Variants in GPRIN3 observed in about 807,000 individuals in gnomAD.
The protein encoded by GPRIN3 is G protein-regulated inducer of neurite outgrowth 3.
In GPRIN3, 12 loss-of-function variants were observed where a neutral mutation model predicts 13.7. The observed-to-expected ratio is 0.87, with a 90% CI of 0.56 to 1.42. The LOEUF (loss-of-function observed/expected upper bound fraction) is 1.42, where lower values mean the gene tolerates loss of function less well. Among genes scored for constraint, GPRIN3 ranks in the 40% most tolerant of loss-of-function variants. The pLI is 0.00. For missense variants in GPRIN3, 1,009 were observed against 958.7 expected (o/e 1.05, Z -0.69); for synonymous variants, 377 against 372.7 (o/e 1.01, Z -0.13).
chr4:89,304,875 T>C (rs899042741), intron 1 of GPRIN3, among the ~76,000 whole-genome samples: 1 of 152,212 alleles, frequency 6.6e-6, no homozygotes, highest in African/African-American at 2.4e-5. Context: ...TTTTCTAATA[T>C]GCAAAGTAGG....
chr4:89,271,617 G>A (rs1041585329), intron 1 of GPRIN3, among the ~76,000 whole-genome samples: 3 of 151,858 alleles, frequency 2.0e-5, no homozygotes, highest in Non-Finnish European at 4.4e-5. Context: ...GTTTTCTTGA[G>A]GAATATTTTT....
intron 1 of GPRIN3, among the ~76,000 whole-genome samples, chr4:89,285,640 C>G (rs1006004243): frequency 6.6e-6 from 1 of 152,204 alleles, no homozygotes; most frequent in African/African-American, 2.4e-5. Context: ...ACTTCCTGTT[C>G]TGTCACCCAA....
chr4:89,279,040 C>A (rs1578100716), intron 1 of GPRIN3, among the ~76,000 whole-genome samples: 2 of 152,178 alleles, frequency 1.3e-5, no homozygotes, highest in Non-Finnish European at 2.9e-5. Context: ...GAGGAGAAGG[C>A]AGGGCAGCTT....
rs1308637478 is a variant in GPRIN3, at chr4:89,238,181, T to C, written c.*9599A>G. 6.6e-6 allele frequency: 1 copy of C among 152,052 alleles called. No homozygotes were observed. The highest frequency in any genetic ancestry group is 1.5e-5 in the Non-Finnish European group (1 of 68,042). The allele number at this position is 152,052 out of a possible 1,614,324, so 9.4% of individuals were successfully genotyped here. The stretch of plus-strand genomic sequence containing the variant: ...CTCTTGGAAATTTTGAAGCAATCAC[T>C]GTTTAAAGTTCATGGGAAATTCACT... On this transcript the variant is annotated 3_prime_UTR_variant, in exon 2 of 2. Coordinates refer to ENST00000609438, the MANE Select transcript of GPRIN3 (RefSeq NM_198281.3).
rs1461252867 is a variant in GPRIN3 at position 89,239,564 on chromosome 4, A to G, written c.*8216T>C. 6.6e-6 allele frequency: 1 copy of G among 152,230 alleles called. No homozygotes were observed. The highest frequency in any genetic ancestry group is 1.9e-4 in the East Asian group (1 of 5,196). 9.4% of individuals were successfully genotyped at this position (152,230 alleles called of 1,614,324 possible). ...CACATTCGTTCTCTAAAACATGAAT[A>G]TGTTTTTAAATGTTATTCTTAACTT... On this transcript the variant is annotated 3_prime_UTR_variant, in exon 2 of 2. Transcript: ENST00000609438.
intron 1 of GPRIN3, among the ~76,000 whole-genome samples, chr4:89,281,734 A>C (rs542138520): frequency 6.6e-6 from 1 of 152,196 alleles, no homozygotes; most frequent in African/African-American, 2.4e-5. Context: ...TGTTGTTTTA[A>C]GCCACCCAGT....
intron 1 of GPRIN3, among the ~76,000 whole-genome samples, chr4:89,260,498 C>A (rs767187145): frequency 6.6e-6 from 1 of 152,116 alleles, no homozygotes. Flanking sequence ...AGTTAGGCAT[C>A]GCGAGTACAT....
At chr4:89,260,612 G>A (rs1442282650) in intron 1 of GPRIN3, among the ~76,000 whole-genome samples, 1 of 152,172 alleles carries the variant, frequency 6.6e-6, no homozygotes, top group Non-Finnish European at 1.5e-5. Context: ...TAATTAAGTG[G>A]CTTAATGCAG....
chr4:89,268,583 G>C (rs1218874345), intron 1 of GPRIN3, among the ~76,000 whole-genome samples: 1 of 152,176 alleles, frequency 6.6e-6, no homozygotes, highest in Non-Finnish European at 1.5e-5. Flanking sequence ...TCCAATAAAA[G>C]CAGTGTACTT....
intron 1 of GPRIN3, among the ~76,000 whole-genome samples, chr4:89,269,054 T>C (rs1266408671): frequency 6.6e-6 from 1 of 152,186 alleles, no homozygotes; most frequent in African/African-American, 2.4e-5. Flanking sequence ...TGAAGGTTCA[T>C]GACAGGTGGG....
chr4:89,256,717 C>T (rs1723474738), intron 1 of GPRIN3, among the ~76,000 whole-genome samples: 1 of 152,190 alleles, frequency 6.6e-6, no homozygotes, highest in South Asian at 2.1e-4. Context: ...TTACAGGGAC[C>T]TCAGTGAGCA....
At chr4:89,262,475 C>T (rs1030984409) in intron 1 of GPRIN3, among the ~76,000 whole-genome samples, 18 of 152,084 alleles carry the variant, frequency 1.2e-4, no homozygotes, top group Non-Finnish European at 1.5e-5. Flanking sequence ...AAATGTAAGG[C>T]CTGGTGCTCC....
intron 1 of GPRIN3, among the ~76,000 whole-genome samples, chr4:89,273,725 A>G (rs1486244346): frequency 6.6e-6 from 1 of 152,188 alleles, no homozygotes; most frequent in East Asian, 1.9e-4. Context: ...ATGCCTCATG[A>G]TTACAGAAAC....
chr4:89,291,138 T>G (rs1031740582), intron 1 of GPRIN3, among the ~76,000 whole-genome samples: 1 of 152,222 alleles, frequency 6.6e-6, no homozygotes, highest in African/African-American at 2.4e-5. Flanking sequence ...ACCTCAGAAC[T>G]AGGAGGACGC....
chr4:89,255,203 T>C (rs114200100), intron 1 of GPRIN3, among the ~76,000 whole-genome samples: 2,294 of 152,296 alleles, frequency 0.015, 59 homozygotes, highest in African/African-American at 0.052. Flanking sequence ...TTCCACCACC[T>C]AGCTTTAGCT....
rs539689810 is a variant in GPRIN3, at chr4:89,263,067, C to T, written c.-123-12834G>A. Among the ~76,000 whole-genome samples, 14 of 152,302 alleles carry T rather than the reference C, an allele frequency of 9.2e-5. No homozygotes were observed. In the East Asian group the frequency reaches 1.7e-3, roughly 19 times the overall value. ...TTTTAATTGCCAGTTATCAAATCCA[C>T]GTCTTCTGTCAGTACTGGGCTTAAC... On this transcript the variant is annotated intron_variant, in intron 1 of 1. Transcript: ENST00000609438.
rs886607652 is a variant in GPRIN3, at chr4:89,248,915, G to A, written c.1196C>T (p.Ala399Val). Reference sequence around the variant, plus strand: ...TTCCCGTTGGAAAGCTGTAGACTCAGCTGCAGCTGCCTGAATGTGCACCTG... The same window carrying A: ...TTCCCGTTGGAAAGCTGTAGACTCAACTGCAGCTGCCTGAATGTGCACCTG... ...MPQVHIQAAAAESTAFQRENK... is the reference protein window; with the variant it reads ...MPQVHIQAAAVESTAFQRENK... The change falls in exon 2 of 2, where the codon GCT becomes GTT. Residue 399 changes from alanine (A) to valine (V), a missense_variant. Physicochemically the swap from Ala to Val is moderately conservative, Grantham distance 64. Coordinates refer to ENST00000609438, the MANE Select transcript of GPRIN3 (RefSeq NM_198281.3). 3.1e-6 allele frequency: 5 copies of A among 1,614,088 alleles called. No individual in the cohort carries two copies. In the African/African-American group the frequency reaches 6.7e-5, roughly 22 times the overall value.
At chr4:89,272,377 C>G (rs1255518226) in intron 1 of GPRIN3, among the ~76,000 whole-genome samples, 1 of 152,182 alleles carries the variant, frequency 6.6e-6, no homozygotes, top group African/African-American at 2.4e-5. Context: ...CCACATACAT[C>G]TCTGCTGACT....
chr4:89,302,442 A>G (rs1280763409), intron 1 of GPRIN3, among the ~76,000 whole-genome samples: 1 of 152,190 alleles, frequency 6.6e-6, no homozygotes, highest in Non-Finnish European at 1.5e-5. Flanking sequence ...TGGGACCTTT[A>G]TAAAAATACA....
Sources: gnomAD v4.1 joint callset for allele counts (sites outside exome capture counted in the v4.1 genomes callset) on GRCh38, gnomAD v4.1.1 for gene constraint, MANE v1.5 for transcripts, NCBI Gene and HGNC (gene_info 2026-07-23, HGNC 2026-07-21) for gene names.